The following CD109 variants were observed in gnomAD, a reference collection of about 807,000 sequenced individuals.
CD109 encodes CD109 antigen.
Under a neutral mutation model 165.8 loss-of-function variants are expected in CD109, and 149 were observed. That is an observed-to-expected ratio of 0.90 (90% CI 0.79 to 1.03). The LOEUF (loss-of-function observed/expected upper bound fraction) is 1.03. CD109 is among the 50% of genes least tolerant of loss of function. The pLI is 0.00. For missense variants in CD109, 1,712 were observed against 1,677.8 expected, an observed-to-expected ratio of 1.02 and a Z score of -0.36; for synonymous variants, 585 against 592.1, an observed-to-expected ratio of 0.99 and a Z score of 0.18.
chr6:73,736,529 TG>T, intron 5 of CD109, 21 bp downstream of exon 5: 1 of 1,598,918 alleles, frequency 6.3e-7, no homozygotes, highest in Non-Finnish European at 8.5e-7. Flanking sequence ...ATATATTTTT[TG>T]GGGGGAATGT....
intron 5 of CD109, among the ~76,000 whole-genome samples, chr6:73,748,936 T>C (rs1186318617): frequency 6.6e-6 from 1 of 152,244 alleles, no homozygotes. Flanking sequence ...TCCATTGTGA[T>C]TTCTTTTTTA....
chr6:73,749,183 C>G (rs149642783), intron 5 of CD109, among the ~76,000 whole-genome samples: 85 of 152,126 alleles, frequency 5.6e-4, no homozygotes, highest in African/African-American at 2.0e-3. Context: ...ATCAGAAAAG[C>G]TTCGTGTAAC....
At chr6:73,731,559 G>C (rs887034802) in intron 4 of CD109, among the ~76,000 whole-genome samples, 10 of 152,172 alleles carry the variant, frequency 6.6e-5, no homozygotes, top group Non-Finnish European at 1.5e-4. Context: ...TTAGGGTGGG[G>C]CTCATGCAGG....
chr6:73,761,862 T>TA (rs1238679996), intron 7 of CD109, among the ~76,000 whole-genome samples: 2 of 152,154 alleles, frequency 1.3e-5, no homozygotes, highest in African/African-American at 4.8e-5. Flanking sequence ...GGGTTTAGTT[T>TA]AAAAAATTAT....
chr6:73,726,328 TATAA>T (rs1209880897), intron 3 of CD109, among the ~76,000 whole-genome samples: 1 of 152,164 alleles, frequency 6.6e-6, no homozygotes, highest in African/African-American at 2.4e-5. Flanking sequence ...ATTGAGACAA[TATAA>T]ATATTGTTTT....
At chr6:73,736,288 G>T in intron 4 of CD109, 95 bp from the exon 5 acceptor site, 1 of 1,341,672 alleles carries the variant, frequency 7.5e-7, no homozygotes, top group Non-Finnish European at 1.0e-6. Context: ...TTCTGGACCT[G>T]GGTGGGAATG....
At chr6:73,809,429 C>T (rs956698878) in intron 26 of CD109, among the ~76,000 whole-genome samples, 2 of 151,930 alleles carry the variant, frequency 1.3e-5, no homozygotes, top group African/African-American at 4.8e-5. Context: ...TTATTTTTTC[C>T]TTTTATTTAT....
intron 3 of CD109, among the ~76,000 whole-genome samples, chr6:73,724,332 T>A (rs1372528739): frequency 6.6e-6 from 1 of 151,850 alleles, no homozygotes; most frequent in Non-Finnish European, 1.5e-5. Context: ...TGGAAAGGAG[T>A]TATTATTTTG....
At position 73,781,278 on chromosome 6, in the gene CD109, T is replaced by C; in HGVS notation, c.1922T>C (p.Leu641Ser). The change falls in exon 17 of 33, where the codon TTG becomes TCG. Residue 641 changes from leucine (L) to serine (S), a missense_variant. Transcript: ENST00000287097. ...AVFQECGLWV[L>S]TDANLTKDYI... ...TTTTAGGAATGTGGACTCTGGGTAT[T>C]GACAGATGCAAACCTCACGAAGGAT... 6.2e-7 allele frequency: 1 copy of C among 1,613,186 alleles called. No individual in the cohort carries two copies. The highest frequency in any genetic ancestry group is 1.1e-5 in the South Asian group (1 of 91,030).
chr6:73,699,875 A>G (rs1770997773), intron 2 of CD109, among the ~76,000 whole-genome samples: 1 of 152,244 alleles, frequency 6.6e-6, no homozygotes, highest in African/African-American at 2.4e-5. Flanking sequence ...TTCTCAGAGC[A>G]GATGCTTCCT....
At chr6:73,807,123 A>T in intron 25 of CD109, 51 bp downstream of exon 25, 2 of 1,381,130 alleles carry the variant, frequency 1.4e-6, no homozygotes, top group South Asian at 2.4e-5. Context: ...CAAGGAAGGT[A>T]GGTCTTAATG....
At chr6:73,766,577 A>G (rs1773859882) in intron 11 of CD109, among the ~76,000 whole-genome samples, 182 bp from the exon 12 acceptor site, 1 of 151,124 alleles carries the variant, frequency 6.6e-6, no homozygotes, top group Non-Finnish European at 1.5e-5. Flanking sequence ...TTTTAAAGCT[A>G]TCAGTTTCTT....
At chr6:73,785,950 T>G (rs1272148610) in intron 20 of CD109, among the ~76,000 whole-genome samples, 2 of 151,904 alleles carry the variant, frequency 1.3e-5, no homozygotes, top group African/African-American at 4.8e-5. Context: ...GTTCAAGTGA[T>G]TCTCCTGCCT....
At chr6:73,686,015 G>A in the CD109 span, among the ~76,000 whole-genome samples, 5 of 152,216 alleles carry the variant, frequency 3.3e-5, no homozygotes, top group Admixed American at 1.3e-4. Flanking sequence ...TAAAGGATAA[G>A]CTTTCAGCTT....
At chr6:73,746,697 C>G (rs1453042808) in intron 5 of CD109, among the ~76,000 whole-genome samples, 1 of 151,792 alleles carries the variant, frequency 6.6e-6, no homozygotes, top group Non-Finnish European at 1.5e-5. Context: ...TGCTTGTGAT[C>G]CCTGGATACC....
At chr6:73,715,407 T>TA (rs1162005239) in intron 2 of CD109, among the ~76,000 whole-genome samples, 2 of 149,800 alleles carry the variant, frequency 1.3e-5, no homozygotes, top group East Asian at 2.0e-4. Context: ...TACAAAAAAG[T>TA]AAAAAAAATT....
chr6:73,751,615 C>A (rs1773191219), intron 5 of CD109, among the ~76,000 whole-genome samples: 1 of 152,172 alleles, frequency 6.6e-6, no homozygotes, highest in African/African-American at 2.4e-5. Context: ...ACTGCCAGCA[C>A]AAATATTATA....
intron 4 of CD109, among the ~76,000 whole-genome samples, chr6:73,735,492 C>T (rs1772508721): frequency 6.6e-6 from 1 of 150,470 alleles, no homozygotes; most frequent in Admixed American, 6.7e-5. Flanking sequence ...AAGAAGGAGA[C>T]AAATTAGAGA....
chr6:73,816,522 TTACAGGCATGAGCCACTGTGCCCCACC>T (rs2150307901), intron 30 of CD109, among the ~76,000 whole-genome samples: 1 of 152,368 alleles, frequency 6.6e-6, no homozygotes, highest in African/African-American at 2.4e-5. Flanking sequence ...AGTGCTGGGC[TTACAGGCATGAGCCACTGTGCCCCACC>T]TATTCTTGCT....
Sources: gnomAD v4.1 joint callset for allele counts (sites outside exome capture counted in the v4.1 genomes callset) on GRCh38, gnomAD v4.1.1 for gene constraint, MANE v1.5 for transcripts, NCBI Gene and HGNC (gene_info 2026-07-23, HGNC 2026-07-21) for gene names.